Variants in LRRC7 observed in about 807,000 individuals in gnomAD.
The protein encoded by LRRC7 is leucine rich repeat containing 7, also known as leucine-rich repeat-containing protein 7.
Under a neutral mutation model 175.7 loss-of-function variants are expected in LRRC7, and 23 were observed. The ratio of observed to expected loss-of-function variants is 0.13; its 90% CI spans 0.09 to 0.19. The LOEUF (loss-of-function observed/expected upper bound fraction) is 0.19, where lower values mean the gene tolerates loss of function less well. LRRC7 is among the 10% of genes least tolerant of loss of function. The pLI is 1.00. For missense variants in LRRC7, 1,354 were observed against 1,904.7 expected, an observed-to-expected ratio of 0.71 and a Z score of 5.38; for synonymous variants, 685 against 680.9, an observed-to-expected ratio of 1.01 and a Z score of -0.09.
At chr1:69,815,269 G>A (rs1214447352) in intron 4 of LRRC7, among the ~76,000 whole-genome samples, 5 of 152,006 alleles carry the variant, frequency 3.3e-5, no homozygotes, top group Non-Finnish European at 5.9e-5. Flanking sequence ...TTTGGAAAAC[G>A]GTGTGTGCAA....
intron 2 of LRRC7, among the ~76,000 whole-genome samples, chr1:69,713,080 A>G (rs1304232177): frequency 6.6e-6 from 1 of 152,168 alleles, no homozygotes; most frequent in African/African-American, 2.4e-5. Context: ...TTAAGATATC[A>G]CTTTCATGGA....
At chr1:69,668,847 A>G (rs227099) in intron 1 of LRRC7, among the ~76,000 whole-genome samples, 111,751 of 152,108 alleles carry the variant, frequency 0.73, 41,443 homozygotes, top group African/African-American at 0.81. Context: ...TCTAATTGGC[A>G]TGAGATGGTA....
chr1:69,921,963 T>G (rs1646901887), intron 7 of LRRC7, among the ~76,000 whole-genome samples: 1 of 152,176 alleles, frequency 6.6e-6, no homozygotes, highest in Admixed American at 6.5e-5. Flanking sequence ...CTCACTCTTG[T>G]CCCCCAGGCT....
intron 1 of LRRC7, among the ~76,000 whole-genome samples, chr1:69,637,122 CAG>C (rs1411907195): frequency 6.6e-6 from 1 of 151,616 alleles, no homozygotes; most frequent in African/African-American, 2.4e-5. Context: ...CCCCCGCACA[CAG>C]AGTTTATATA....
intron 8 of LRRC7, among the ~76,000 whole-genome samples, chr1:69,963,805 G>C: frequency 6.6e-6 from 1 of 152,102 alleles, no homozygotes; most frequent in East Asian, 1.9e-4. Context: ...TTGTCCAGTT[G>C]TTAACATTTT....
chr1:70,130,268 A>G lies in LRRC7; in HGVS notation c.*8381A>G, dbSNP rs1666612427. The G allele has an allele frequency of 6.6e-6, 1 of 152,230 alleles. No individual in the cohort carries two copies. Among genetic ancestry groups the G allele is most frequent in the South Asian group, 2.1e-4 (1 of 4,830 alleles). 9.4% of individuals were successfully genotyped at this position (152,230 alleles called of 1,614,324 possible). A position where few individuals can be genotyped will look rare whatever the true frequency, so the allele number is the denominator to read the frequency against. ...GAGCCTCAGGAGAGGTAAAATGACC[A>G]GATGTTTTGTTTACCATATATCCTT... On this transcript the variant is annotated 3_prime_UTR_variant, in exon 27 of 27. Transcript: ENST00000651989.
intron 3 of LRRC7, among the ~76,000 whole-genome samples, chr1:69,785,889 A>G (rs1674355710): frequency 1.3e-5 from 2 of 152,162 alleles, no homozygotes; most frequent in Non-Finnish European, 2.9e-5. Context: ...CCAAAATTCC[A>G]AAAAGACCTT....
chr1:69,782,474 T>A (rs1673876926), intron 3 of LRRC7, among the ~76,000 whole-genome samples: 1 of 151,782 alleles, frequency 6.6e-6, no homozygotes, highest in Non-Finnish European at 1.5e-5. Flanking sequence ...TGGGATAGGG[T>A]GGAGTGGAAA....
chr1:69,856,140 C>G (rs562935361), intron 7 of LRRC7, among the ~76,000 whole-genome samples: 1 of 151,938 alleles, frequency 6.6e-6, no homozygotes, highest in African/African-American at 2.4e-5. Flanking sequence ...AGGTTAATAC[C>G]GTTATGTGTG....
intron 10 of LRRC7, among the ~76,000 whole-genome samples, chr1:69,992,051 T>A (rs1396323041): frequency 6.6e-6 from 1 of 152,180 alleles, no homozygotes; most frequent in Non-Finnish European, 1.5e-5. Context: ...GAGTTCTGAT[T>A]CTGGCTTTTC....
intron 1 of LRRC7, among the ~76,000 whole-genome samples, chr1:69,655,102 A>G (rs766830511): frequency 1.7e-4 from 26 of 152,100 alleles, no homozygotes; most frequent in Non-Finnish European, 3.2e-4. Flanking sequence ...CAAGAAAGCT[A>G]TGAACTTGCT....
chr1:69,922,716 G>GTC (rs1646928876), intron 7 of LRRC7, among the ~76,000 whole-genome samples: 1 of 152,110 alleles, frequency 6.6e-6, no homozygotes, highest in Non-Finnish European at 1.5e-5. Flanking sequence ...GTCAAATTAA[G>GTC]TGGTCAGTTC....
At chr1:69,821,405 T>G (rs1313323294) in intron 4 of LRRC7, among the ~76,000 whole-genome samples, 3 of 152,156 alleles carry the variant, frequency 2.0e-5, no homozygotes, top group African/African-American at 7.2e-5. Context: ...TTTATTGTAT[T>G]CATCGGCTCC....
chr1:69,737,054 C>T (rs562890752), intron 2 of LRRC7, among the ~76,000 whole-genome samples: 1 of 151,984 alleles, frequency 6.6e-6, no homozygotes, highest in Non-Finnish European at 1.5e-5. Context: ...TTACATATAG[C>T]CCAAATTATT....
rs1666232382 is a variant in LRRC7 at position 70,121,944 on chromosome 1, T to C, written c.*57T>C. On this transcript the variant is annotated 3_prime_UTR_variant, in exon 27 of 27. Transcript: ENST00000651989. ...GCCAGACCTAATGTTCAAAAATAAA[T>C]TTATACATAGAAACAAATTTTGCCA... 7.7e-7 allele frequency: 1 copy of C among 1,303,198 alleles called. No homozygotes were observed. Among genetic ancestry groups the C allele is most frequent in the East Asian group, 2.3e-5 (1 of 42,578 alleles). The allele number at this position is 1,303,198 out of a possible 1,614,324, so 80.7% of individuals were successfully genotyped here. A position where few individuals can be genotyped will look rare whatever the true frequency, so the allele number is the denominator to read the frequency against.
At position 70,141,962 on chromosome 1, in the gene LRRC7, G is replaced by T. The variant is rs969831524; in HGVS notation, c.*20075G>T. On this transcript the variant is annotated 3_prime_UTR_variant, in exon 27 of 27. Coordinates refer to ENST00000651989, the MANE Select transcript of LRRC7 (RefSeq NM_001370785.2). ...GAAAGCATTTGACAAATGGACAAAA[G>T]AAATCACATTGTATTTCTTTGTATC... is the stretch of plus-strand genomic sequence containing the variant. 8 of 151,978 alleles carry T rather than the reference G, an allele frequency of 5.3e-5. No homozygotes were observed. The highest frequency in any genetic ancestry group is 1.7e-4 in the African/African-American group (7 of 41,396). The allele number at this position is 151,978 out of a possible 1,614,324, so 9.4% of individuals were successfully genotyped here.
chr1:69,964,905 G>A (rs1297407006), intron 8 of LRRC7, among the ~76,000 whole-genome samples: 1 of 152,112 alleles, frequency 6.6e-6, no homozygotes, highest in Non-Finnish European at 1.5e-5. Flanking sequence ...CAGATATTCT[G>A]GTTTGATGCA....
chr1:70,095,389 A>G (rs992396960), intron 25 of LRRC7, among the ~76,000 whole-genome samples: 2 of 152,202 alleles, frequency 1.3e-5, no homozygotes, highest in African/African-American at 4.8e-5. Context: ...AGGTTGTTTG[A>G]AGACATTAAA....
rs551082646 is a variant in LRRC7 at position 69,621,886 on chromosome 1, C to T, written c.2+53245C>T. On this transcript the variant is annotated intron_variant, in intron 1 of 26. Coordinates refer to ENST00000651989, the MANE Select transcript of LRRC7 (RefSeq NM_001370785.2). ...TTCATTCTATTCAATGCTTTTGATT[C>T]TTCAATGTCCCTCTGAACCATAACC... is the stretch of plus-strand genomic sequence containing the variant. 4.5e-4 allele frequency among the ~76,000 whole-genome samples: 68 copies of T among 152,224 alleles called. No homozygotes were observed. In the South Asian group the frequency reaches 0.013, roughly 30 times the overall value.
Sources: allele counts gnomAD v4.1 joint callset (sites outside exome capture counted in the v4.1 genomes callset), GRCh38; gene constraint gnomAD v4.1.1; transcripts MANE v1.5; gene names NCBI Gene and HGNC (gene_info 2026-07-23, HGNC 2026-07-21).